The following ABAT variants were observed in gnomAD, a reference collection of about 807,000 sequenced individuals.
ABAT encodes 4-aminobutyrate aminotransferase, also known as 4-aminobutyrate aminotransferase, mitochondrial.
A neutral mutation model predicts 64.6 loss-of-function variants in ABAT; 45 were observed. That is an observed-to-expected ratio of 0.70 (90% confidence interval 0.55 to 0.89). ABAT has a LOEUF of 0.89. ABAT is among the 40% of genes least tolerant of loss of function. ABAT has a pLI of 0.00. For synonymous variants in ABAT, 297 were observed against 250.5 expected, an observed-to-expected ratio of 1.19 and a Z score of -1.75; for missense variants, 633 against 658.4, an observed-to-expected ratio of 0.96 and a Z score of 0.42.
rs562723173 is a variant in ABAT, at chr16:8,705,137, G to C, written c.-42+30426G>C. On this transcript the variant is annotated intron_variant, in intron 1 of 15. Transcript: ENST00000268251. The stretch of plus-strand genomic sequence containing the variant: ...ACTATAAAGATACTACCTGAGACTG[G>C]GTAATTCATAAACAAAAGAGGCTTA... Among the ~76,000 whole-genome samples the C allele has an allele frequency of 6.6e-4, 100 of 152,132 alleles. 2 individuals are homozygous for C. The South Asian group carries it at 0.02, about 31-fold the overall frequency.
chr16:8,733,937 G>C (rs1283645145), intron 1 of ABAT, among the ~76,000 whole-genome samples: 3 of 152,192 alleles, frequency 2.0e-5, no homozygotes, highest in Admixed American at 1.3e-4. Context: ...ATGTCTTCCA[G>C]TCTCATCCAT....
At position 8,764,300 on chromosome 16, in the gene ABAT, C is replaced by A; in HGVS notation, c.447+151C>A. 1.3e-6 allele frequency: 1 copy of A among 758,552 alleles called. No individual in the cohort carries two copies. Among genetic ancestry groups the A allele is most frequent in the Non-Finnish European group, 2.2e-6 (1 of 450,714 alleles). The allele number at this position is 758,552 out of a possible 1,614,324, so 47.0% of individuals were successfully genotyped here. A position where few individuals can be genotyped will look rare whatever the true frequency, so the allele number is the denominator to read the frequency against. On this transcript the variant is annotated intron_variant, in intron 7 of 15. Transcript: ENST00000268251. This position sits in a 1 kb window ranked among gnomAD's most constrained non-coding sequence, Gnocchi z 4.2. ...TCCATGCAGAGTATTTTAAATTTTT[C>A]TTTTAAAGGACAGAAGGGATTCTTT...
chr16:8,681,458 CT>C (rs34327953), intron 1 of ABAT, among the ~76,000 whole-genome samples: 93 of 133,676 alleles, frequency 7.0e-4, no homozygotes, highest in Non-Finnish European at 7.3e-4. Flanking sequence ...AGCCTCTACA[CT>C]TTTTTTTTTT....
At chr16:8,742,313 C>A (rs899216800) in intron 2 of ABAT, among the ~76,000 whole-genome samples, 1 of 152,160 alleles carries the variant, frequency 6.6e-6, no homozygotes, top group Non-Finnish European at 1.5e-5. Context: ...TTCCACACTC[C>A]GGTTCCCAAG....
At chr16:8,731,876 CAG>C (rs954794396) in intron 1 of ABAT, among the ~76,000 whole-genome samples, 7 of 152,030 alleles carry the variant, frequency 4.6e-5, no homozygotes, top group African/African-American at 7.2e-5. Context: ...CTCCTTGAAA[CAG>C]AGTCTCGCCC....
At chr16:8,769,273 T>G (rs2060033230) in intron 11 of ABAT, among the ~76,000 whole-genome samples, 1 of 152,094 alleles carries the variant, frequency 6.6e-6, no homozygotes, top group African/African-American at 2.4e-5. Flanking sequence ...ACAGATCAGT[T>G]GAAAGAATAT....
In ABAT at chr16:8,768,237, G is replaced by A. The variant is rs767550217; in HGVS notation, c.648G>A (p.Ala216=). Residue 216 remains alanine (A), a synonymous_variant, in exon 10 of 16, where the codon GCG becomes GCA. Transcript: ENST00000268251. ...PDYSILSFMG[A]FHGRTMGCLA... ...ACAGCATCCTCTCCTTCATGGGCGC[G>A]TTCCATGGGAGGACCATGGGTAAGG... The A allele has an allele frequency of 8.1e-5, 131 of 1,613,938 alleles. No individual in the cohort carries two copies. The East Asian group carries it at 2.5e-3, about 30-fold the overall frequency.
intron 2 of ABAT, among the ~76,000 whole-genome samples, chr16:8,740,418 G>A (rs902675531): frequency 6.6e-6 from 1 of 152,182 alleles, no homozygotes; most frequent in Non-Finnish European, 1.5e-5. Context: ...ACGATCTACT[G>A]GCAGTCCCAC....
At chr16:8,739,526 T>C (rs1464292671) in intron 2 of ABAT, among the ~76,000 whole-genome samples, 1 of 152,134 alleles carries the variant, frequency 6.6e-6, no homozygotes, top group Admixed American at 6.6e-5. Context: ...AGGACCAGCC[T>C]GGCCAACATG....
intron 8 of ABAT, among the ~76,000 whole-genome samples, chr16:8,765,061 G>C (rs2059905547): frequency 6.6e-6 from 1 of 152,162 alleles, no homozygotes; most frequent in Non-Finnish European, 1.5e-5. Context: ...GCTGGGCGCA[G>C]TCGTTCACAC....
At chr16:8,710,727 A>AGAGAGAGGGAGAGAGG (rs146344975) in intron 1 of ABAT, among the ~76,000 whole-genome samples, 1 of 103,700 alleles carries the variant, frequency 9.6e-6, no homozygotes, top group African/African-American at 3.1e-5. Flanking sequence ...AGAGAGAGAG[A>AGAGAGAGGGAGAGAGG]GAGGAAATAG....
At chr16:8,699,513 G>A (rs902571770) in intron 1 of ABAT, among the ~76,000 whole-genome samples, 18 of 152,140 alleles carry the variant, frequency 1.2e-4, no homozygotes, top group Admixed American at 8.5e-4. Flanking sequence ...AGCCGAGGTC[G>A]TGCCATTGCA....
chr16:8,676,386 C>T (rs2057203293), intron 1 of ABAT, among the ~76,000 whole-genome samples: 1 of 152,052 alleles, frequency 6.6e-6, no homozygotes, highest in Admixed American at 6.6e-5. Context: ...GGATCCCTGA[C>T]ACAAGCCCCA....
intron 1 of ABAT, among the ~76,000 whole-genome samples, chr16:8,697,330 G>T (rs2057725266): frequency 6.6e-6 from 1 of 152,148 alleles, no homozygotes; most frequent in Non-Finnish European, 1.5e-5. Context: ...TTTAACTAGG[G>T]AGTGACATGA....
chr16:8,770,705 T>C (rs995959413), intron 11 of ABAT, among the ~76,000 whole-genome samples: 1 of 152,170 alleles, frequency 6.6e-6, no homozygotes, highest in African/African-American at 2.4e-5. Flanking sequence ...CTTCCCAAAT[T>C]GCTGGGATTA....
intron 1 of ABAT, among the ~76,000 whole-genome samples, chr16:8,722,547 C>T (rs2058402413): frequency 6.6e-6 from 1 of 152,094 alleles, no homozygotes; most frequent in Admixed American, 6.5e-5. Flanking sequence ...TCATATGAGA[C>T]ATAAGAGCTC....
intron 1 of ABAT, among the ~76,000 whole-genome samples, chr16:8,701,022 C>G (rs2057810572): frequency 6.7e-6 from 1 of 149,368 alleles, no homozygotes; most frequent in Non-Finnish European, 1.5e-5. Flanking sequence ...ACTGTAACCT[C>G]TGCTACCCGG....
chr16:8,768,153 C>G, intron 9 of ABAT, 40 bp from the exon 10 acceptor site: 1 of 1,595,418 alleles, frequency 6.3e-7, no homozygotes. Context: ...TTCCCCCATC[C>G]TTACAACTAT....
rs1216778049 is a variant in ABAT at position 8,752,382 on chromosome 16, C to T, written c.316+1843C>T. Reference sequence around the variant, plus strand: ...TAGCTGTGGGACTGTGACCCACCCCCGAGGACTCCCTCAGTCTGAATGCCC... The same window carrying T: ...TAGCTGTGGGACTGTGACCCACCCCTGAGGACTCCCTCAGTCTGAATGCCC... On this transcript the variant is annotated intron_variant, in intron 5 of 15. Coordinates refer to ENST00000268251, the MANE Select transcript of ABAT (RefSeq NM_020686.6). Among the ~76,000 whole-genome samples the T allele has an allele frequency of 2.6e-5, 4 of 152,160 alleles. No individual in the cohort carries two copies. The South Asian group carries it at 8.3e-4, about 32-fold the overall frequency.
Sources: allele counts gnomAD v4.1 joint callset (sites outside exome capture counted in the v4.1 genomes callset), GRCh38; gene constraint gnomAD v4.1.1; non-coding constraint Gnocchi (gnomAD v3.1); transcripts MANE v1.5; gene names NCBI Gene and HGNC (gene_info 2026-07-23, HGNC 2026-07-21).